The following PCDHGB3 variants were observed in gnomAD, a reference collection of about 807,000 sequenced individuals.
PCDHGB3 encodes the protein protocadherin gamma subfamily B, 3.
PCDHGB3 carries 40 observed loss-of-function variants against 59.2 expected under a neutral mutation model. The observed-to-expected ratio is 0.68, with a 90% CI of 0.52 to 0.88. The LOEUF (loss-of-function observed/expected upper bound fraction) is 0.88, where lower values mean the gene tolerates loss of function less well. Ranked by LOEUF, PCDHGB3 falls within the 40% of genes least tolerant of loss-of-function variation. The probability of loss-of-function intolerance (pLI) is 0.00; values close to 1 mark genes in which losing one functional copy is unlikely to be tolerated. For synonymous variants in PCDHGB3, 581 were observed against 503.6 expected (o/e 1.15, Z -2.06); for missense variants, 1,309 against 1,187.9 (o/e 1.10, Z -1.50).
At chr5:141,419,477 C>G (rs760970548) in intron 1 of PCDHGB3, 1 of 1,612,420 alleles carries the variant, frequency 6.2e-7, no homozygotes, top group Non-Finnish European at 8.5e-7. Flanking sequence ...CCAGGGCTCG[C>G]CCGCGCTCAG....
chr5:141,475,768 G>A (rs756539564), intron 1 of PCDHGB3, among the ~76,000 whole-genome samples: 5 of 152,280 alleles, frequency 3.3e-5, no homozygotes, highest in South Asian at 2.1e-4. Flanking sequence ...TACTGGCAAG[G>A]CGCTTTGGCT....
In PCDHGB3 at chr5:141,432,601, G is replaced by A. The variant is rs1313279772; in HGVS notation, c.2415+59792G>A. The A allele has an allele frequency of 5.6e-6, 9 of 1,613,950 alleles. No homozygotes were observed. Among genetic ancestry groups the A allele is most frequent in the Admixed American group, 1.7e-5 (1 of 60,030 alleles). On this transcript the variant is annotated intron_variant, in intron 1 of 3. Transcript: ENST00000576222. The surrounding 1 kb of genome is among the most constrained non-coding windows in gnomAD (Gnocchi z 6.0). ...ACCGTCTGCTCAAGGCCAGCGAGCC[G>A]GGACTCTTCTCGGTGGGTCTGCACA...
rs1372368815 is a variant in PCDHGB3 at position 141,491,370 on chromosome 5, C to T, written c.2416-3437C>T. 3 of 1,614,038 alleles carry T rather than the reference C, an allele frequency of 1.9e-6. No individual in the cohort carries two copies. The highest frequency in any genetic ancestry group is 2.2e-5 in the East Asian group (1 of 44,880). ...GTCTCTTATCCCTAGTCACCTTCAC[C>T]TTTCTGTCAGCGAAGTGCCTTCAGG... On this transcript the variant is annotated intron_variant, in intron 1 of 3. Transcript: ENST00000576222. The surrounding 1 kb of genome is among the most constrained non-coding windows in gnomAD (Gnocchi z 6.9).
At chr5:141,415,447 T>C in intron 1 of PCDHGB3, 1 of 1,614,200 alleles carries the variant, frequency 6.2e-7, no homozygotes, top group South Asian at 1.1e-5. Context: ...GCAGACCTAT[T>C]CCCACGAGGT....
At chr5:141,480,910 T>C (rs985100480) in intron 1 of PCDHGB3, among the ~76,000 whole-genome samples, 5 of 152,106 alleles carry the variant, frequency 3.3e-5, no homozygotes, top group Non-Finnish European at 7.4e-5. Flanking sequence ...CTGGGCATGG[T>C]GGCGCATACC....
chr5:141,383,755 C>T, intron 1 of PCDHGB3: 1 of 1,613,958 alleles, frequency 6.2e-7, no homozygotes, highest in Non-Finnish European at 8.5e-7. Context: ...GAAAATAACT[C>T]CTAAACTTCC....
In PCDHGB3 at chr5:141,393,242, C is replaced by T. The variant is rs151037104; in HGVS notation, c.2415+20433C>T. 1,015 of 1,613,778 alleles carry T rather than the reference C, an allele frequency of 6.3e-4. 8 individuals carry two copies. The African/African-American group carries it at 0.012, about 18-fold the overall frequency. ...TCGAAGATCTAGAAGTAAAAATTAA[C>T]GAAATCGCGGTTCCTGGAGCACGTT... is the stretch of plus-strand genomic sequence containing the variant. On this transcript the variant is annotated intron_variant, in intron 1 of 3. Coordinates refer to ENST00000576222, the MANE Select transcript of PCDHGB3 (RefSeq NM_018924.5).
At chr5:141,430,140 A>C (rs1295602149) in intron 1 of PCDHGB3, among the ~76,000 whole-genome samples, 1 of 152,202 alleles carries the variant, frequency 6.6e-6, no homozygotes, top group Non-Finnish European at 1.5e-5. Context: ...CCTTCCATTC[A>C]GGATCATTCA....
At chr5:141,427,879 C>T in intron 1 of PCDHGB3, 1 of 1,562,380 alleles carries the variant, frequency 6.4e-7, no homozygotes. Context: ...ACGATGCAGG[C>T]CCACGACCAG....
chr5:141,442,534 GA>G (rs1156284172), intron 1 of PCDHGB3: 1 of 152,222 alleles, frequency 6.6e-6, no homozygotes, highest in Non-Finnish European at 1.5e-5. Context: ...TCTCCAAGGT[GA>G]AAAATTCTTG....
chr5:141,432,386 A>C lies in PCDHGB3; in HGVS notation c.2415+59577A>C. 1 of 1,614,204 alleles carries C rather than the reference A, an allele frequency of 6.2e-7. No homozygotes were observed. Among genetic ancestry groups the C allele is most frequent in the Non-Finnish European group, 8.5e-7 (1 of 1,180,032 alleles). ...GCGGGACAACGGGCACCCGCCCCTC[A>C]GCAGCAACGTGTCGTTGAGCCTGTT... On this transcript the variant is annotated intron_variant, in intron 1 of 3. Transcript: ENST00000576222. This position sits in a 1 kb window ranked among gnomAD's most constrained non-coding sequence, Gnocchi z 6.0.
chr5:141,451,134 T>A (rs567790185), intron 1 of PCDHGB3, among the ~76,000 whole-genome samples: 1 of 152,254 alleles, frequency 6.6e-6, no homozygotes, highest in South Asian at 2.1e-4. Context: ...AGCCTTATGA[T>A]TGTATTTAGA....
chr5:141,415,783 A>G, intron 1 of PCDHGB3: 1 of 1,344,604 alleles, frequency 7.4e-7, no homozygotes, highest in Non-Finnish European at 9.5e-7. Context: ...ACTTTCTGGT[A>G]AAATTCACCT....
Position 141,478,415 on chromosome 5 carries a change from C to A in PCDHGB3, c.2416-16392C>A, listed in dbSNP as rs182700706. 5.6e-6 allele frequency: 9 copies of A among 1,613,648 alleles called. No homozygotes were observed. In the East Asian group the frequency reaches 2.0e-4, roughly 36 times the overall value. ...TCAGGTGTATCTCACCACGGACTCC[C>A]GCCGCAGCGACCCGCTGCTGAAGAA... On this transcript the variant is annotated intron_variant, in intron 1 of 3. Coordinates refer to ENST00000576222, the MANE Select transcript of PCDHGB3 (RefSeq NM_018924.5).
At chr5:141,379,879 G>A (rs1158947637) in intron 1 of PCDHGB3, among the ~76,000 whole-genome samples, 1 of 102,124 alleles carries the variant, frequency 9.8e-6, no homozygotes, top group African/African-American at 3.5e-5. Context: ...TTTATGGTCT[G>A]TGAAAGCCTC....
At chr5:141,388,957 C>T (rs1378746840) in intron 1 of PCDHGB3, 7 of 1,613,822 alleles carry the variant, frequency 4.3e-6, no homozygotes, top group Non-Finnish European at 5.9e-6. Flanking sequence ...ATGGAGGACG[C>T]CGAGCTGGGA....
chr5:141,455,856 TTTTATTA>T (rs1315325745), intron 1 of PCDHGB3, among the ~76,000 whole-genome samples: 1 of 146,240 alleles, frequency 6.8e-6, no homozygotes, highest in East Asian at 2.0e-4. Flanking sequence ...AAATAATTTC[TTTTATTA>T]TTTATTTATT....
Position 141,394,682 on chromosome 5 carries a change from G to A in PCDHGB3, c.2415+21873G>A, listed in dbSNP as rs546310598. 6.3e-5 allele frequency: 102 copies of A among 1,611,492 alleles called. No individual in the cohort carries two copies. The South Asian group carries it at 1.0e-3, about 16-fold the overall frequency. ...GACTCTTCTCGGTGGGTCTGCACAC[G>A]GGCGAGGTGCGCACGGCGCGAGCCC... On this transcript the variant is annotated intron_variant, in intron 1 of 3. Coordinates refer to ENST00000576222, the MANE Select transcript of PCDHGB3 (RefSeq NM_018924.5).
At chr5:141,497,464 TGGA>T (rs769464389) in intron 2 of PCDHGB3, among the ~76,000 whole-genome samples, 3 of 151,764 alleles carry the variant, frequency 2.0e-5, no homozygotes, top group Non-Finnish European at 4.4e-5. Context: ...CTTGGAGATA[TGGA>T]GGAGAAGGTG....
Sources: allele counts gnomAD v4.1 joint callset (sites outside exome capture counted in the v4.1 genomes callset), GRCh38; gene constraint gnomAD v4.1.1; non-coding constraint Gnocchi (gnomAD v3.1); transcripts MANE v1.5; gene names NCBI Gene and HGNC (gene_info 2026-07-23, HGNC 2026-07-21).